Variants in AHI1 observed in about 807,000 individuals in gnomAD.
The protein encoded by AHI1 is jouberin.
A neutral mutation model predicts 149.3 loss-of-function variants in AHI1; 123 were observed. The observed-to-expected ratio is 0.82, with a 90% CI of 0.71 to 0.96. The LOEUF is 0.96. Among genes scored for constraint, AHI1 ranks in the 40% least tolerant of loss-of-function variants. The pLI is 0.00. For synonymous variants in AHI1, 475 were observed against 459.8 expected (o/e 1.03, Z -0.42); for missense variants, 1,439 against 1,422.7 (o/e 1.01, Z -0.18).
intron 20 of AHI1, among the ~76,000 whole-genome samples, chr6:135,417,289 T>C (rs1285194201): frequency 6.6e-6 from 1 of 152,058 alleles, no homozygotes; most frequent in African/African-American, 2.4e-5. Flanking sequence ...TTCTCTGAGA[T>C]TGTGTACCTA....
intron 28 of AHI1, among the ~76,000 whole-genome samples, chr6:135,290,076 T>G (rs1378413807): frequency 6.6e-6 from 1 of 152,162 alleles, no homozygotes; most frequent in African/African-American, 2.4e-5. Context: ...TTTGTAAATA[T>G]TCTTGTCATT....
In AHI1 at chr6:135,372,735, G is replaced by A. The variant is rs147842300; in HGVS notation, c.3110-14548C>T. ...ACAACAAGATAACCCTATTTTAAAG[G>A]AAGGAAACAGTGGCTTTCAGAAAGT... is the stretch of plus-strand genomic sequence containing the variant. On this transcript the variant is annotated intron_variant, in intron 23 of 28. Coordinates refer to ENST00000265602, the MANE Select transcript of AHI1 (RefSeq NM_001134831.2). 2.4e-3 allele frequency among the ~76,000 whole-genome samples: 370 copies of A among 152,202 alleles called. 4 individuals are homozygous for A. The highest frequency in any genetic ancestry group is 8.4e-3 in the African/African-American group (347 of 41,528).
intron 5 of AHI1, among the ~76,000 whole-genome samples, chr6:135,477,444 AG>A (rs751905675): frequency 2.0e-5 from 3 of 152,122 alleles, no homozygotes; most frequent in Non-Finnish European, 4.4e-5. Context: ...TGAAGACTCT[AG>A]GTTTTATAAT....
At chr6:135,448,548 G>T in intron 11 of AHI1, 73 bp from the exon 12 acceptor site, 1 of 1,174,798 alleles carries the variant, frequency 8.5e-7, no homozygotes, top group Non-Finnish European at 1.1e-6. Flanking sequence ...ATAGCATAAA[G>T]TCAGAAACAT....
In AHI1 at chr6:135,415,118, C is replaced by T. The variant is rs144446251; in HGVS notation, c.2765-3574G>A. Among the ~76,000 whole-genome samples, 516 of 152,016 alleles carry T rather than the reference C, an allele frequency of 3.4e-3. 4 individuals are homozygous for T. Among genetic ancestry groups the T allele is most frequent in the African/African-American group, 0.012 (495 of 41,440 alleles). ...TGAGAATAATGATTTCCAATCTCAT[C>T]CATGTCCCTACAAAGAACATGAACT... On this transcript the variant is annotated intron_variant, in intron 20 of 28. Transcript: ENST00000265602.
chr6:135,423,772 ACT>A (rs1398544632), intron 20 of AHI1, among the ~76,000 whole-genome samples: 1 of 152,030 alleles, frequency 6.6e-6, no homozygotes, highest in Non-Finnish European at 1.5e-5. Context: ...CAGAGTTGAT[ACT>A]CTGTTATTAA....
intron 27 of AHI1, among the ~76,000 whole-genome samples, chr6:135,291,636 T>C (rs1184903608): frequency 1.3e-5 from 2 of 152,204 alleles, no homozygotes; most frequent in African/African-American, 4.8e-5. Context: ...AAGTCTGTGG[T>C]ATTCTCTGTG....
chr6:135,475,861 T>C (rs1238821011), intron 5 of AHI1, among the ~76,000 whole-genome samples: 2 of 152,192 alleles, frequency 1.3e-5, no homozygotes, highest in Non-Finnish European at 2.9e-5. Context: ...GTCTCTCTAG[T>C]GAATTATCAA....
chr6:135,478,269 G>A (rs911638692), intron 5 of AHI1, among the ~76,000 whole-genome samples: 1 of 152,200 alleles, frequency 6.6e-6, no homozygotes, highest in East Asian at 1.9e-4. Flanking sequence ...GGAAGGTTTG[G>A]AACTTCATAG....
chr6:135,417,281 C>A (rs1562717883), intron 20 of AHI1, among the ~76,000 whole-genome samples: 1 of 151,930 alleles, frequency 6.6e-6, no homozygotes, highest in East Asian at 1.9e-4. Context: ...CCTATATTTT[C>A]TCTGAGATTG....
intron 16 of AHI1, 52 bp downstream of exon 16, chr6:135,432,975 G>GT (rs1784874982): frequency 7.3e-7 from 1 of 1,375,556 alleles, no homozygotes; most frequent in Non-Finnish European, 1.0e-6. Flanking sequence ...TATTATTCTG[G>GT]TAAAAAAAAA....
intron 26 of AHI1, among the ~76,000 whole-genome samples, chr6:135,312,343 T>C (rs780605109): frequency 6.6e-6 from 1 of 151,928 alleles, no homozygotes; most frequent in Non-Finnish European, 1.5e-5. Context: ...TGAAACCCTG[T>C]CTCTACTTAA....
intron 26 of AHI1, among the ~76,000 whole-genome samples, chr6:135,308,801 C>T (rs1199184955): frequency 6.6e-6 from 1 of 152,214 alleles, no homozygotes; most frequent in Non-Finnish European, 1.5e-5. Context: ...ATGACACATT[C>T]CCTAAACCTT....
intron 15 of AHI1, among the ~76,000 whole-genome samples, chr6:135,436,111 G>T (rs1297449914): frequency 6.6e-6 from 1 of 152,204 alleles, no homozygotes; most frequent in Non-Finnish European, 1.5e-5. Context: ...GTGTGCGCTA[G>T]AAGTCATTAG....
At chr6:135,493,504 T>G (rs1252767081) in intron 3 of AHI1, among the ~76,000 whole-genome samples, 1 of 152,228 alleles carries the variant, frequency 6.6e-6, no homozygotes, top group African/African-American at 2.4e-5. Context: ...ACTTTAGTGA[T>G]AGGAGCCTGT....
intron 20 of AHI1, among the ~76,000 whole-genome samples, chr6:135,412,028 A>G (rs1161735556): frequency 6.6e-6 from 1 of 152,160 alleles, no homozygotes; most frequent in Admixed American, 6.5e-5. Context: ...ACGTAATTAT[A>G]ATTATTAAAT....
chr6:135,398,659 T>C (rs1319251707), intron 22 of AHI1, among the ~76,000 whole-genome samples: 1 of 152,202 alleles, frequency 6.6e-6, no homozygotes, highest in African/African-American at 2.4e-5. Flanking sequence ...TTTACCTCAA[T>C]GCATCTTGGT....
intron 28 of AHI1, among the ~76,000 whole-genome samples, chr6:135,287,396 C>A (rs893925816): frequency 1.3e-5 from 2 of 152,054 alleles, no homozygotes; most frequent in Admixed American, 1.3e-4. Context: ...ACAAAGATGG[C>A]GCATAAAAGG....
At chr6:135,298,284 A>G (rs565637823) in intron 27 of AHI1, among the ~76,000 whole-genome samples, 5 of 151,914 alleles carry the variant, frequency 3.3e-5, no homozygotes, top group Non-Finnish European at 7.4e-5. Flanking sequence ...TAACTTTACT[A>G]AAATGTGTAT....
Sources: gnomAD v4.1 joint callset for allele counts (sites outside exome capture counted in the v4.1 genomes callset) on GRCh38, gnomAD v4.1.1 for gene constraint, MANE v1.5 for transcripts, NCBI Gene and HGNC (gene_info 2026-07-23, HGNC 2026-07-21) for gene names.